NAA11: variants seen among roughly 807,000 people sequenced by gnomAD.
NAA11 encodes the protein N-alpha-acetyltransferase 11, NatA catalytic subunit.
A neutral mutation model predicts 16.1 loss-of-function variants in NAA11; 15 were observed. That is an observed-to-expected ratio of 0.93 (90% CI 0.62 to 1.44). The LOEUF is 1.44. NAA11 is among the 40% of genes most tolerant of loss of function. The pLI is 0.00. For missense variants in NAA11, 298 were observed against 291.3 expected (o/e 1.02, Z -0.17); for synonymous variants, 122 against 112.4 (o/e 1.09, Z -0.54).
chr4:79,285,363 T>C (rs1261043291), intron 2 of NAA11, among the ~76,000 whole-genome samples: 1 of 152,124 alleles, frequency 6.6e-6, no homozygotes, highest in Admixed American at 6.6e-5. Context: ...TGTTTATCTT[T>C]TCTTCAAAAA....
At chr4:79,196,979 A>AAAAAAG in the NAA11 span, among the ~76,000 whole-genome samples, 50 of 125,626 alleles carry the variant, frequency 4.0e-4, no homozygotes, top group Non-Finnish European at 5.6e-4. Context: ...AAAAAAAAAA[A>AAAAAAG]AAAGAAAGAA....
the NAA11 span, among the ~76,000 whole-genome samples, chr4:79,184,001 T>G: frequency 6.6e-6 from 1 of 152,160 alleles, no homozygotes; most frequent in Admixed American, 6.5e-5. Context: ...AAATGCTAGC[T>G]TTCCCATTCT....
At chr4:79,300,178 G>C (rs927748105) in intron 1 of NAA11, among the ~76,000 whole-genome samples, 22 of 152,266 alleles carry the variant, frequency 1.4e-4, no homozygotes, top group African/African-American at 4.1e-4. Context: ...ACTGGATGTA[G>C]GCAATGATTT....
chr4:79,240,768 C>G (rs566625456), intron 2 of NAA11, among the ~76,000 whole-genome samples: 14 of 152,140 alleles, frequency 9.2e-5, no homozygotes, highest in African/African-American at 2.9e-4. Context: ...AACTGGGCTG[C>G]TGTTACACAA....
intron 2 of NAA11, among the ~76,000 whole-genome samples, chr4:79,274,869 C>A (rs935445440): frequency 6.6e-6 from 1 of 152,014 alleles, no homozygotes; most frequent in Non-Finnish European, 1.5e-5. Flanking sequence ...ATAAAAGTAT[C>A]TAATCTACAG....
the NAA11 span, among the ~76,000 whole-genome samples, chr4:79,155,751 A>G: frequency 6.6e-6 from 1 of 152,240 alleles, no homozygotes; most frequent in African/African-American, 2.4e-5. Flanking sequence ...CTTAGTGTTT[A>G]TGATTGATGA....
intron 2 of NAA11, among the ~76,000 whole-genome samples, chr4:79,268,730 T>C (rs549221447): frequency 6.6e-6 from 1 of 152,160 alleles, no homozygotes; most frequent in South Asian, 2.1e-4. Context: ...CTTTAAGTTT[T>C]AGGGTACATG....
intron 2 of NAA11, among the ~76,000 whole-genome samples, chr4:79,244,342 A>G (rs1297526392): frequency 1.3e-5 from 2 of 151,902 alleles, no homozygotes; most frequent in Non-Finnish European, 2.9e-5. Context: ...ATACTAAGCC[A>G]TAGGCATCAG....
intron 2 of NAA11, among the ~76,000 whole-genome samples, chr4:79,243,353 C>A (rs1721736710): frequency 6.6e-6 from 1 of 152,210 alleles, no homozygotes; most frequent in African/African-American, 2.4e-5. Context: ...AAGATCTTGA[C>A]AAAATTGTCA....
the NAA11 span, among the ~76,000 whole-genome samples, chr4:79,169,097 A>G: frequency 4.6e-5 from 7 of 152,236 alleles, no homozygotes; most frequent in Non-Finnish European, 8.8e-5. Context: ...TGCTCAAGGA[A>G]ATAAGAGAGG....
downstream of NAA11, among the ~76,000 whole-genome samples, chr4:79,312,807 G>A (rs1240036268): frequency 4.6e-5 from 7 of 152,064 alleles, no homozygotes; most frequent in Admixed American, 2.6e-4. Context: ...TGAAGTTTTC[G>A]AATATGTAAA....
At chr4:79,163,786 G>A in the NAA11 span, among the ~76,000 whole-genome samples, 1 of 152,170 alleles carries the variant, frequency 6.6e-6, no homozygotes, top group African/African-American at 2.4e-5. Flanking sequence ...AGCACATTCT[G>A]TCAGGGGTTT....
chr4:79,180,472 G>T, the NAA11 span, among the ~76,000 whole-genome samples: 3 of 151,986 alleles, frequency 2.0e-5, no homozygotes, highest in African/African-American at 7.2e-5. Context: ...AACAGACACA[G>T]GAAAAAATGC....
chr4:79,253,373 T>G (rs1382146854), intron 2 of NAA11, among the ~76,000 whole-genome samples: 1 of 152,172 alleles, frequency 6.6e-6, no homozygotes, highest in Non-Finnish European at 1.5e-5. Flanking sequence ...TGCACAATAC[T>G]AGTATTTAAA....
downstream of NAA11, among the ~76,000 whole-genome samples, chr4:79,313,569 G>A (rs914340981): frequency 6.6e-6 from 1 of 152,134 alleles, no homozygotes; most frequent in Non-Finnish European, 1.5e-5. Context: ...AGCAATATAT[G>A]TATGATTTAA....
At chr4:79,156,661 A>G in the NAA11 span, among the ~76,000 whole-genome samples, 1 of 152,192 alleles carries the variant, frequency 6.6e-6, no homozygotes, top group Admixed American at 6.5e-5. Context: ...CCTCACACAA[A>G]CAACCAGAAT....
the NAA11 span, among the ~76,000 whole-genome samples, chr4:79,164,005 TCTTTTTATCG>T: frequency 6.6e-6 from 1 of 152,144 alleles, no homozygotes; most frequent in Non-Finnish European, 1.5e-5. Flanking sequence ...TTCTTCTCGG[TCTTTTTATCG>T]CTTTTTATCT....
the NAA11 span, among the ~76,000 whole-genome samples, chr4:79,204,930 C>T: frequency 1.6e-5 from 2 of 124,778 alleles, no homozygotes; most frequent in African/African-American, 6.8e-5. Flanking sequence ...GGTGTGTATA[C>T]ACACACACAC....
At chr4:79,255,158 T>G (rs1722079400) in intron 2 of NAA11, among the ~76,000 whole-genome samples, 1 of 152,104 alleles carries the variant, frequency 6.6e-6, no homozygotes, top group Non-Finnish European at 1.5e-5. Context: ...ATGATCACAC[T>G]GGGGGTGGTG....
Sources: allele counts gnomAD v4.1 joint callset (sites outside exome capture counted in the v4.1 genomes callset), GRCh38; gene constraint gnomAD v4.1.1; transcripts MANE v1.5; gene names NCBI Gene and HGNC (gene_info 2026-07-23, HGNC 2026-07-21).